PARD3B: variants seen among roughly 807,000 people sequenced by gnomAD.
The protein encoded by PARD3B is partitioning defective 3 homolog B.
PARD3B carries 103 observed loss-of-function variants against 130.2 expected under a neutral mutation model. The ratio of observed to expected loss-of-function variants is 0.79; its 90% CI spans 0.67 to 0.93. The LOEUF (loss-of-function observed/expected upper bound fraction) is 0.93, where lower values mean the gene tolerates loss of function less well. Among genes scored for constraint, PARD3B ranks in the 40% least tolerant of loss-of-function variants. The pLI is 0.00. For synonymous variants in PARD3B, 583 were observed against 553.2 expected, an observed-to-expected ratio of 1.05 and a Z score of -0.76; for missense variants, 1,609 against 1,499.2, an observed-to-expected ratio of 1.07 and a Z score of -1.21.
intron 21 of PARD3B, among the ~76,000 whole-genome samples, chr2:205,500,978 G>A (rs2050138185): frequency 6.6e-6 from 1 of 152,140 alleles, no homozygotes; most frequent in South Asian, 2.1e-4. Context: ...TCCTTTGAAA[G>A]GCAGATCTGT....
At position 205,550,269 on chromosome 2, in the gene PARD3B, A is replaced by T. The variant is rs1415270993; in HGVS notation, c.3181-3055A>T. ...TCAACTCTCCCAGGTGGACTTTGGAATTTCTTCCTGCGGACTCCCACTGCC... is the reference window on the plus strand; with the variant it reads ...TCAACTCTCCCAGGTGGACTTTGGATTTTCTTCCTGCGGACTCCCACTGCC... On this transcript the variant is annotated intron_variant, in intron 21 of 22. Coordinates refer to ENST00000406610, the MANE Select transcript of PARD3B (RefSeq NM_001302769.2). The surrounding 1 kb of genome is among the most constrained non-coding windows in gnomAD (Gnocchi z 4.5). Among the ~76,000 whole-genome samples the T allele has an allele frequency of 6.6e-6, 1 of 152,022 alleles. No individual in the cohort carries two copies. The highest frequency in any genetic ancestry group is 1.5e-5 in the Non-Finnish European group (1 of 68,002).
At chr2:205,335,135 T>C (rs1241700578) in intron 18 of PARD3B, among the ~76,000 whole-genome samples, 1 of 152,190 alleles carries the variant, frequency 6.6e-6, no homozygotes, top group Non-Finnish European at 1.5e-5. Context: ...TGGGGATTTA[T>C]ATATAAATAA....
intron 2 of PARD3B, among the ~76,000 whole-genome samples, chr2:204,746,087 C>T (rs2040213676): frequency 6.7e-6 from 1 of 148,514 alleles, no homozygotes; most frequent in Non-Finnish European, 1.5e-5. Context: ...CCCATTAACT[C>T]ATCATTTAGC....
intron 2 of PARD3B, among the ~76,000 whole-genome samples, chr2:204,764,496 C>T (rs568971456): frequency 5.3e-5 from 8 of 152,182 alleles, no homozygotes; most frequent in South Asian, 4.1e-4. Context: ...AGAATTTTAC[C>T]GAGGACCCAC....
Position 205,397,061 on chromosome 2 carries a change from T to C in PARD3B, c.2631-3952T>C, listed in dbSNP as rs1423848728. Among the ~76,000 whole-genome samples, 1 of 152,204 alleles carries C rather than the reference T, an allele frequency of 6.6e-6. No homozygotes were observed. Among genetic ancestry groups the C allele is most frequent in the Non-Finnish European group, 1.5e-5 (1 of 68,044 alleles). On this transcript the variant is annotated intron_variant, in intron 18 of 22. Coordinates refer to ENST00000406610, the MANE Select transcript of PARD3B (RefSeq NM_001302769.2). This position sits in a 1 kb window ranked among gnomAD's most constrained non-coding sequence, Gnocchi z 4.8. ...ACTGCCACTACTGATAATTAAGTTG[T>C]CTTATTGCAAAATGAAAAAGAATTC...
chr2:205,087,028 A>G (rs1278665381), intron 4 of PARD3B, among the ~76,000 whole-genome samples: 1 of 152,184 alleles, frequency 6.6e-6, no homozygotes, highest in African/African-American at 2.4e-5. Flanking sequence ...GAGTCTTCCA[A>G]GTGTGTTTAA....
rs10564722 is a variant in PARD3B at position 205,473,735 on chromosome 2, AATATAT to A, written c.3045-26145_3045-26140del. On this transcript the variant is annotated intron_variant, in intron 20 of 22. Transcript: ENST00000406610. This position sits in a 1 kb window ranked among gnomAD's most constrained non-coding sequence, Gnocchi z 4.9. The stretch of plus-strand genomic sequence containing the variant: ...ACACACACACGTATATAAAACCCTA[AATATAT>A]ATATATATATATATAACCTTAAATA... Among the ~76,000 whole-genome samples, 5 of 125,758 alleles carry A rather than the reference AATATAT, an allele frequency of 4.0e-5. No individual in the cohort carries two copies. The highest frequency in any genetic ancestry group is 1.7e-4 in the Admixed American group (2 of 12,100). The allele number at this position is 125,758 out of a possible 152,430, so 82.5% of individuals were successfully genotyped here.
At chr2:205,108,298 G>A (rs1255171932) in intron 5 of PARD3B, among the ~76,000 whole-genome samples, 2 of 152,022 alleles carry the variant, frequency 1.3e-5, no homozygotes, top group African/African-American at 2.4e-5. Context: ...CTAAACCATA[G>A]CGTTTATCAC....
At chr2:205,434,335 G>C (rs2047436924) in intron 19 of PARD3B, among the ~76,000 whole-genome samples, 1 of 152,082 alleles carries the variant, frequency 6.6e-6, no homozygotes, top group Admixed American at 6.6e-5. Context: ...TAGTAAGTCA[G>C]AGACTATTTT....
At chr2:204,915,930 A>G (rs1239626763) in intron 2 of PARD3B, among the ~76,000 whole-genome samples, 1 of 152,198 alleles carries the variant, frequency 6.6e-6, no homozygotes, top group Non-Finnish European at 1.5e-5. Flanking sequence ...TGTGAATTTG[A>G]CTGCTGGAAG....
chr2:204,651,159 G>C (rs1477913081), intron 1 of PARD3B, among the ~76,000 whole-genome samples: 1 of 152,104 alleles, frequency 6.6e-6, no homozygotes, highest in African/African-American at 2.4e-5. Flanking sequence ...CTTCCCAATA[G>C]TCCCCCAAAG....
At chr2:204,717,444 C>G (rs16836517) in intron 2 of PARD3B, among the ~76,000 whole-genome samples, 3,382 of 152,240 alleles carry the variant, frequency 0.022, 115 homozygotes, top group African/African-American at 0.075. Flanking sequence ...AAACTCTCAT[C>G]CTGTTTTTCC....
chr2:205,313,593 C>G (rs1478192794), intron 18 of PARD3B, among the ~76,000 whole-genome samples: 1 of 152,150 alleles, frequency 6.6e-6, no homozygotes, highest in African/African-American at 2.4e-5. Flanking sequence ...AAAAAATGAC[C>G]ACATAGAGTG....
At chr2:204,560,485 G>A (rs550015071) in intron 1 of PARD3B, among the ~76,000 whole-genome samples, 1 of 152,132 alleles carries the variant, frequency 6.6e-6, no homozygotes, top group Non-Finnish European at 1.5e-5. Flanking sequence ...AAGTTGAGCA[G>A]GTTTCACTCC....
intron 2 of PARD3B, among the ~76,000 whole-genome samples, chr2:204,802,739 G>A (rs1020677688): frequency 6.6e-6 from 1 of 152,034 alleles, no homozygotes; most frequent in African/African-American, 2.4e-5. Context: ...TCTAACACAG[G>A]AACAGAAAAC....
At chr2:205,196,229 A>G (rs1170244682) in intron 15 of PARD3B, among the ~76,000 whole-genome samples, 1 of 152,150 alleles carries the variant, frequency 6.6e-6, no homozygotes, top group African/African-American at 2.4e-5. Flanking sequence ...ATTTCTTTAT[A>G]ATAGTTGCAT....
intron 19 of PARD3B, among the ~76,000 whole-genome samples, chr2:205,433,684 A>G (rs2047415090): frequency 6.6e-6 from 1 of 152,204 alleles, no homozygotes; most frequent in Non-Finnish European, 1.5e-5. Flanking sequence ...ATGTTCCCTC[A>G]TACTTTTTCC....
chr2:204,719,195 A>G (rs774694065), intron 2 of PARD3B, among the ~76,000 whole-genome samples: 1 of 152,220 alleles, frequency 6.6e-6, no homozygotes, highest in Non-Finnish European at 1.5e-5. Context: ...TCGAAAGCAC[A>G]TCTTGTGGAT....
intron 18 of PARD3B, among the ~76,000 whole-genome samples, chr2:205,359,980 G>A (rs148042622): frequency 5.7e-4 from 86 of 152,148 alleles, no homozygotes; most frequent in East Asian, 3.3e-3. Context: ...AATCTTTCCC[G>A]CTTGCATTTC....
Sources: allele counts gnomAD v4.1 joint callset (sites outside exome capture counted in the v4.1 genomes callset), GRCh38; gene constraint gnomAD v4.1.1; non-coding constraint Gnocchi (gnomAD v3.1); transcripts MANE v1.5; gene names NCBI Gene and HGNC (gene_info 2026-07-23, HGNC 2026-07-21).